MTRF1: variants seen among roughly 807,000 people sequenced by gnomAD.
MTRF1 encodes the protein mitochondrial translation release factor 1.
MTRF1 carries 51 observed loss-of-function variants against 62.9 expected under a neutral mutation model. That is an observed-to-expected ratio of 0.81 (90% CI 0.65 to 1.02). The LOEUF (loss-of-function observed/expected upper bound fraction) is 1.02. MTRF1 is among the 50% of genes least tolerant of loss of function. The probability of loss-of-function intolerance (pLI) is 0.00; values close to 1 mark genes in which losing one functional copy is unlikely to be tolerated. For synonymous variants in MTRF1, 158 were observed against 181.9 expected (o/e 0.87, Z 1.06); for missense variants, 446 against 530.0 (o/e 0.84, Z 1.56).
chr13:41,269,945 C>A, the MTRF1 span, among the ~76,000 whole-genome samples: 1 of 152,178 alleles, frequency 6.6e-6, no homozygotes, highest in Admixed American at 6.5e-5. Context: ...ACAAAGATAA[C>A]AGTCCTTTCC....
intron 5 of MTRF1, among the ~76,000 whole-genome samples, chr13:41,251,630 T>A (rs2039070499): frequency 6.6e-6 from 1 of 152,132 alleles, no homozygotes; most frequent in African/African-American, 2.4e-5. Flanking sequence ...CAGGTACAAC[T>A]TCCTTATGCT....
chr13:41,274,227 C>T, the MTRF1 span, among the ~76,000 whole-genome samples: 32 of 152,172 alleles, frequency 2.1e-4, no homozygotes, highest in Non-Finnish European at 3.8e-4. Flanking sequence ...GGCTAAGGTG[C>T]TACTGGATTA....
At chr13:41,263,776 G>A (rs2040727530), upstream of MTRF1, among the ~76,000 whole-genome samples, 1 of 149,598 alleles carries the variant, frequency 6.7e-6, no homozygotes, top group African/African-American at 2.4e-5. Context: ...TATCCAGAGC[G>A]TGAGCCCAGA....
chr13:41,310,253 A>C, the MTRF1 span, among the ~76,000 whole-genome samples: 1 of 152,168 alleles, frequency 6.6e-6, no homozygotes, highest in Non-Finnish European at 1.5e-5. Flanking sequence ...TGTTGTAGAG[A>C]GTATCCCAGA....
At chr13:41,236,822 T>A (rs996028360) in intron 6 of MTRF1, 1 of 152,158 alleles carries the variant, frequency 6.6e-6, no homozygotes, top group African/African-American at 2.4e-5. Context: ...GATACAGAAA[T>A]GGTGACTTAG....
At chr13:41,282,098 A>G in the MTRF1 span, among the ~76,000 whole-genome samples, 13,642 of 151,054 alleles carry the variant, frequency 0.09, 694 homozygotes, top group East Asian at 0.2. Flanking sequence ...AGACTGTGTC[A>G]CTGCACTCCA....
chr13:41,282,577 G>C, the MTRF1 span, among the ~76,000 whole-genome samples: 15,219 of 152,274 alleles, frequency 0.1, 820 homozygotes, highest in East Asian at 0.2. Flanking sequence ...TGGAAAGGTA[G>C]TCTTTGAATG....
intron 2 of MTRF1, among the ~76,000 whole-genome samples, chr13:41,259,121 T>C (rs9566731): frequency 0.62 from 94,614 of 152,012 alleles, 29,796 homozygotes; most frequent in Admixed American, 0.65. Context: ...ATAATAAGTG[T>C]TGGCAAGTAC....
In MTRF1 at chr13:41,240,407, T is replaced by C. The variant is rs1208827043; in HGVS notation, c.724A>G (p.Ile242Val). Residue 242 changes from isoleucine to valine, a missense_variant, in exon 6 of 10, where the codon ATT (isoleucine) becomes GTT (valine). Transcript: ENST00000379480. The part of the protein sequence containing the change: ...YGGLHHAAAR[I>V]SGDGVYKHLK... ...TGCTTATAGACACCGTCACCGGAAA[T>C]TCGGGCGGCTGCATGATGTAGTCCA... 1.7e-5 allele frequency: 28 copies of C among 1,613,370 alleles called. No individual in the cohort carries two copies. Among genetic ancestry groups the C allele is most frequent in the Non-Finnish European group, 2.2e-5 (26 of 1,179,748 alleles).
At chr13:41,273,100 G>T in the MTRF1 span, among the ~76,000 whole-genome samples, 1 of 152,102 alleles carries the variant, frequency 6.6e-6, no homozygotes, top group African/African-American at 2.4e-5. Flanking sequence ...GCCGAGGCGG[G>T]TGGATCACGA....
chr13:41,299,349 T>C, the MTRF1 span, among the ~76,000 whole-genome samples: 5 of 152,210 alleles, frequency 3.3e-5, no homozygotes, highest in Non-Finnish European at 7.3e-5. Flanking sequence ...CTAAGTACCA[T>C]TGAAAATAGC....
At chr13:41,284,474 CA>C in the MTRF1 span, among the ~76,000 whole-genome samples, 7,755 of 102,468 alleles carry the variant, frequency 0.076, 259 homozygotes, top group Middle Eastern at 0.12. Flanking sequence ...CACTCTGTCT[CA>C]AAAAAAAAAA....
the MTRF1 span, among the ~76,000 whole-genome samples, chr13:41,293,125 A>G: frequency 6.6e-6 from 1 of 152,024 alleles, no homozygotes; most frequent in African/African-American, 2.4e-5. Context: ...TCATGACTAA[A>G]ATTCTAAAAT....
rs183929276 is a variant in MTRF1 at position 41,244,460 on chromosome 13, T to G, written c.698-4027A>C. ...ATCTTTTATTTCTATTTCAGAAGAG[T>G]TCTCTGGAAATATAGATGTTAGTAT... is the stretch of plus-strand genomic sequence containing the variant. On this transcript the variant is annotated intron_variant, in intron 5 of 9. Transcript: ENST00000379480. Among the ~76,000 whole-genome samples, 496 of 152,244 alleles carry G rather than the reference T, an allele frequency of 3.3e-3. 3 individuals carry two copies. The highest frequency in any genetic ancestry group is 0.011 in the African/African-American group (439 of 41,538).
At chr13:41,253,259 T>C (rs1447733983) in intron 3 of MTRF1, among the ~76,000 whole-genome samples, 1 of 152,240 alleles carries the variant, frequency 6.6e-6, no homozygotes, top group African/African-American at 2.4e-5. Context: ...TGCACTGTTA[T>C]CAGATTATCT....
At chr13:41,246,969 T>C (rs1250438864) in intron 5 of MTRF1, among the ~76,000 whole-genome samples, 1 of 152,184 alleles carries the variant, frequency 6.6e-6, no homozygotes, top group African/African-American at 2.4e-5. Flanking sequence ...TAAATAATAA[T>C]AGTATATAAC....
chr13:41,276,101 T>G, the MTRF1 span, among the ~76,000 whole-genome samples: 1 of 152,148 alleles, frequency 6.6e-6, no homozygotes, highest in Non-Finnish European at 1.5e-5. Context: ...CATTTCAAAG[T>G]CTTTAACAAT....
chr13:41,276,541 A>T, the MTRF1 span, among the ~76,000 whole-genome samples: 8 of 151,394 alleles, frequency 5.3e-5, no homozygotes, highest in Non-Finnish European at 1.2e-4. Flanking sequence ...TCTTTTAGTT[A>T]TTTTTTTTTA....
At chr13:41,233,835 AT>A in intron 7 of MTRF1, 54 bp downstream of exon 7, 1 of 1,387,570 alleles carries the variant, frequency 7.2e-7, no homozygotes, top group Non-Finnish European at 1.0e-6. Flanking sequence ...TTCCTTCCAA[AT>A]GCTGAGTAAG....
Sources: allele counts gnomAD v4.1 joint callset (sites outside exome capture counted in the v4.1 genomes callset), GRCh38; gene constraint gnomAD v4.1.1; transcripts MANE v1.5; gene names NCBI Gene and HGNC (gene_info 2026-07-23, HGNC 2026-07-21).